Variants in CHST15 observed in about 807,000 individuals in gnomAD.
CHST15 encodes the protein B cell RAG associated protein (GALNAC4S-6ST).
Under a neutral mutation model 53.6 loss-of-function variants are expected in CHST15, and 30 were observed. The observed-to-expected ratio is 0.56, with a 90% CI of 0.42 to 0.76. The LOEUF is 0.76. Among genes scored for constraint, CHST15 ranks in the 30% least tolerant of loss-of-function variants. CHST15 has a pLI of 0.00. For missense variants in CHST15, 627 were observed against 740.5 expected, an observed-to-expected ratio of 0.85 and a Z score of 1.78; for synonymous variants, 296 against 289.8, an observed-to-expected ratio of 1.02 and a Z score of -0.22.
intron 4 of CHST15, among the ~76,000 whole-genome samples, chr10:124,041,221 CT>C (rs1426238978): frequency 2.0e-5 from 3 of 152,190 alleles, no homozygotes; most frequent in Non-Finnish European, 4.4e-5. Context: ...TTTCGAAGGG[CT>C]GATTATAATT....
At chr10:124,030,010 A>T (rs971017431) in intron 5 of CHST15, among the ~76,000 whole-genome samples, 3 of 152,194 alleles carry the variant, frequency 2.0e-5, no homozygotes, top group Non-Finnish European at 4.4e-5. Context: ...TCCTTTCCAA[A>T]CAATCATGTG....
chr10:124,010,778 G>A, intron 7 of CHST15: 1 of 985,420 alleles, frequency 1.0e-6, no homozygotes, highest in Non-Finnish European at 1.2e-6. Flanking sequence ...TCTACTTCAG[G>A]CTGCTCATGC....
Position 124,007,853 on chromosome 10 carries a change from G to A in CHST15, c.*2296C>T. 8.1e-7 allele frequency: 1 copy of A among 1,232,160 alleles called. No homozygotes were observed. The highest frequency in any genetic ancestry group is 3.2e-5 in the East Asian group (1 of 31,704). The allele number at this position is 1,232,160 out of a possible 1,614,324, so 76.3% of individuals were successfully genotyped here. On this transcript the variant is annotated 3_prime_UTR_variant, in exon 8 of 8. Transcript: ENST00000435907. ...CAAAAAGGAACTTCAATACCATGTT[G>A]TGAGAAATGCTCCAATTTGCTTTGG...
At chr10:124,022,423 T>C (rs912235772) in intron 5 of CHST15, among the ~76,000 whole-genome samples, 1 of 152,226 alleles carries the variant, frequency 6.6e-6, no homozygotes, top group Non-Finnish European at 1.5e-5. Flanking sequence ...TTGCCTGTTT[T>C]TGCTTCTTCA....
intron 1 of CHST15, among the ~76,000 whole-genome samples, chr10:124,076,361 G>T (rs927428509): frequency 6.6e-6 from 1 of 152,206 alleles, no homozygotes; most frequent in African/African-American, 2.4e-5. Context: ...CCAGATTCCC[G>T]ATGCGTGGAG....
chr10:124,069,181 A>G (rs1419569370), intron 1 of CHST15, among the ~76,000 whole-genome samples: 1 of 152,316 alleles, frequency 6.6e-6, no homozygotes, highest in East Asian at 1.9e-4. Context: ...CAAAGTTGCA[A>G]ACTCCCACAG....
chr10:124,078,936 GA>G (rs1949156828), intron 1 of CHST15, among the ~76,000 whole-genome samples: 1 of 152,140 alleles, frequency 6.6e-6, no homozygotes. Context: ...TTGTGAGTCT[GA>G]AATTATTTCA....
chr10:124,088,784 T>C (rs891035657), intron 1 of CHST15, among the ~76,000 whole-genome samples: 1 of 152,090 alleles, frequency 6.6e-6, no homozygotes, highest in Non-Finnish European at 1.5e-5. Context: ...CCTCCCCAAC[T>C]CCCATAGTTA....
rs1196394127 is a variant in CHST15 at position 124,034,790 on chromosome 10, C to A, written c.1190+3725G>T. On this transcript the variant is annotated intron_variant, in intron 5 of 7. Coordinates refer to ENST00000435907, the MANE Select transcript of CHST15 (RefSeq NM_001270764.2). Reference sequence around the variant, plus strand: ...CGGCTCCACCCCCTAACAGGGACGCCGGCTCCGCCCCTAACGGGGACCCCG... The same window carrying A: ...CGGCTCCACCCCCTAACAGGGACGCAGGCTCCGCCCCTAACGGGGACCCCG... Among the ~76,000 whole-genome samples the A allele has an allele frequency of 6.2e-5, 8 of 128,826 alleles. 2 individuals are homozygous for A. The highest frequency in any genetic ancestry group is 2.1e-4 in the African/African-American group (7 of 33,176). The allele number at this position is 128,826 out of a possible 152,430, so 84.5% of individuals were successfully genotyped here. A position where few individuals can be genotyped will look rare whatever the true frequency, so the allele number is the denominator to read the frequency against.
chr10:124,043,889 G>T (rs781716410), intron 3 of CHST15, among the ~76,000 whole-genome samples: 18 of 146,462 alleles, frequency 1.2e-4, no homozygotes, highest in Non-Finnish European at 2.2e-4. Flanking sequence ...CAGAGCAGAG[G>T]AACAGCACAG....
chr10:124,035,092 A>AT (rs1947412849), intron 5 of CHST15, among the ~76,000 whole-genome samples: 1 of 88,330 alleles, frequency 1.1e-5, no homozygotes, highest in East Asian at 5.7e-4. Flanking sequence ...CGCCGGCTCC[A>AT]CCCCTAACAG....
intron 5 of CHST15, among the ~76,000 whole-genome samples, chr10:124,026,553 T>C (rs1017098010): frequency 6.6e-6 from 1 of 152,150 alleles, no homozygotes; most frequent in African/African-American, 2.4e-5. Context: ...CAAAATCCAC[T>C]ATCCCATGAG....
Position 124,021,307 on chromosome 10 carries a change from ATCAAGCATGCAATTT to A in CHST15, c.1281_1295del (p.Glu427_Leu431del). On this transcript the variant is annotated inframe_deletion, in exon 6 of 8. Coordinates refer to ENST00000435907, the MANE Select transcript of CHST15 (RefSeq NM_001270764.2). ...TGTAGACGCAGGCGCGCAGTGAATA[ATCAAGCATGCAATTT>A]TCAAACAGCTGCAGTGCTTCTGTCA... The A allele has an allele frequency of 6.2e-7, 1 of 1,613,810 alleles. No homozygotes were observed. The highest frequency in any genetic ancestry group is 8.5e-7 in the Non-Finnish European group (1 of 1,179,970).
Position 124,008,839 on chromosome 10 carries a change from T to G in CHST15, c.*1310A>C. 1.6e-6 allele frequency: 2 copies of G among 1,243,852 alleles called. No homozygotes were observed. The highest frequency in any genetic ancestry group is 2.1e-6 in the Non-Finnish European group (2 of 959,554). The allele number at this position is 1,243,852 out of a possible 1,614,324, so 77.1% of individuals were successfully genotyped here. A position where few individuals can be genotyped will look rare whatever the true frequency, so the allele number is the denominator to read the frequency against. ...CCACCTGGGCTGTTGCCAAGGATGC[T>G]CAAGCGTTCTCTTCAATCTTCCCTG... On this transcript the variant is annotated 3_prime_UTR_variant, in exon 8 of 8. Coordinates refer to ENST00000435907, the MANE Select transcript of CHST15 (RefSeq NM_001270764.2).
At chr10:124,077,594 C>G (rs1398454053) in intron 1 of CHST15, among the ~76,000 whole-genome samples, 1 of 152,246 alleles carries the variant, frequency 6.6e-6, no homozygotes, top group African/African-American at 2.4e-5. Context: ...GCCCTCCAAC[C>G]AGTGCCCTGC....
intron 1 of CHST15, among the ~76,000 whole-genome samples, chr10:124,050,760 C>T (rs1948161536): frequency 6.6e-6 from 1 of 152,014 alleles, no homozygotes; most frequent in Non-Finnish European, 1.5e-5. Flanking sequence ...AAGCAAAGGC[C>T]CCGTAGAGAG....
chr10:124,080,001 T>C (rs577115590), intron 1 of CHST15, among the ~76,000 whole-genome samples: 1 of 152,290 alleles, frequency 6.6e-6, no homozygotes, highest in East Asian at 1.9e-4. Context: ...CCCTCAAGCA[T>C]GTGCTTACAT....
At chr10:124,072,352 C>A (rs1039301017) in intron 1 of CHST15, among the ~76,000 whole-genome samples, 2 of 152,194 alleles carry the variant, frequency 1.3e-5, no homozygotes. Flanking sequence ...CACCTGCATT[C>A]GGAGTTCTCC....
At chr10:124,016,356 G>A (rs1203467742) in intron 6 of CHST15, among the ~76,000 whole-genome samples, 1 of 152,152 alleles carries the variant, frequency 6.6e-6, no homozygotes, top group African/African-American at 2.4e-5. Context: ...TCCCAGAAAT[G>A]AAAATTCACC....
Sources: allele counts gnomAD v4.1 joint callset (sites outside exome capture counted in the v4.1 genomes callset), GRCh38; gene constraint gnomAD v4.1.1; transcripts MANE v1.5; gene names NCBI Gene and HGNC (gene_info 2026-07-23, HGNC 2026-07-21).